Variants in MED12L observed in about 807,000 individuals in gnomAD.
MED12L encodes the protein mediator complex subunit 12L.
A neutral mutation model predicts 281.3 loss-of-function variants in MED12L; 60 were observed. The observed-to-expected ratio is 0.21, with a 90% CI of 0.17 to 0.26. The LOEUF is 0.26. Among genes scored for constraint, MED12L ranks in the 10% least tolerant of loss-of-function variants. The pLI is 1.00. For missense variants in MED12L, 2,146 were observed against 2,680.9 expected (o/e 0.80, Z 4.41); for synonymous variants, 974 against 987.2 (o/e 0.99, Z 0.25).
chr3:151,306,312 G>C (rs560603570), intron 16 of MED12L, among the ~76,000 whole-genome samples: 1 of 152,290 alleles, frequency 6.6e-6, no homozygotes, highest in Admixed American at 6.5e-5. Flanking sequence ...AGGTCATGTT[G>C]ATTAGTTCAC....
intron 16 of MED12L, among the ~76,000 whole-genome samples, chr3:151,226,742 A>C (rs1183738040): frequency 1.3e-5 from 2 of 152,224 alleles, no homozygotes. Flanking sequence ...TCTTCCAGAT[A>C]CTGCGGCATA....
At chr3:151,427,639 C>T (rs917650717) in intron 43 of MED12L, among the ~76,000 whole-genome samples, 3 of 152,176 alleles carry the variant, frequency 2.0e-5, no homozygotes, top group African/African-American at 7.2e-5. Context: ...TCAGCTTAGA[C>T]ATCTTTATAG....
chr3:151,358,558 CAA>C (rs1457263206), intron 20 of MED12L, among the ~76,000 whole-genome samples: 3 of 151,666 alleles, frequency 2.0e-5, no homozygotes, highest in African/African-American at 7.3e-5. Flanking sequence ...TGGGTTGTGA[CAA>C]GTTTTTTTGT....
At position 151,190,013 on chromosome 3, in the gene MED12L, A is replaced by T. The variant is rs372970051; in HGVS notation, c.1754-704A>T. Among the ~76,000 whole-genome samples, 3 of 152,078 alleles carry T rather than the reference A, an allele frequency of 2.0e-5. No homozygotes were observed. The East Asian group carries it at 5.8e-4, about 29-fold the overall frequency. On this transcript the variant is annotated intron_variant, in intron 13 of 44. Coordinates refer to ENST00000687756, the MANE Select transcript of MED12L (RefSeq NM_001393769.1). ...ATCTCCTTTGAAAATGTGCACCCAT[A>T]TTCTCACAATTGCACAGACCCACTC...
intron 13 of MED12L, 104 bp downstream of exon 13, chr3:151,188,584 C>A: frequency 8.3e-7 from 1 of 1,210,822 alleles, no homozygotes; most frequent in Non-Finnish European, 1.1e-6. Flanking sequence ...ATTCTTGGCA[C>A]TGAATATAAT....
intron 2 of MED12L, among the ~76,000 whole-genome samples, chr3:151,097,631 C>T (rs182592411): frequency 2.5e-4 from 38 of 152,266 alleles, no homozygotes; most frequent in Non-Finnish European, 4.4e-5. Flanking sequence ...TGGCGAGGGG[C>T]GAGAGTGCAT....
chr3:151,311,808 C>T (rs550882675), intron 16 of MED12L, among the ~76,000 whole-genome samples: 2 of 152,032 alleles, frequency 1.3e-5, no homozygotes, highest in Non-Finnish European at 1.5e-5. Context: ...GGGCAGACCA[C>T]GAGGTCGGGA....
intron 21 of MED12L, 28 bp downstream of exon 21, chr3:151,360,633 A>G (rs1754490688): frequency 2.7e-5 from 43 of 1,594,734 alleles, no homozygotes; most frequent in Non-Finnish European, 3.6e-5. Context: ...AAAAGGACAG[A>G]AATAGGATCA....
chr3:151,246,644 G>T (rs573041945), intron 16 of MED12L, among the ~76,000 whole-genome samples: 2 of 152,216 alleles, frequency 1.3e-5, no homozygotes, highest in South Asian at 4.1e-4. Context: ...AGACTTAAAC[G>T]TTAGACCTAC....
chr3:151,412,653 G>A lies in MED12L; in HGVS notation c.6141-486G>A, dbSNP rs117023985. ...AATTTTTATAATAAATAGCAGCATA[G>A]CATGGCCCACAAACTTGAATTTCAA... is the stretch of plus-strand genomic sequence containing the variant. On this transcript the variant is annotated intron_variant, in intron 41 of 44. Coordinates refer to ENST00000687756, the MANE Select transcript of MED12L (RefSeq NM_001393769.1). 8.3e-4 allele frequency among the ~76,000 whole-genome samples: 126 copies of A among 152,298 alleles called. No individual in the cohort carries two copies. The East Asian group carries it at 9.3e-3, about 11-fold the overall frequency.
chr3:151,201,223 ACTCTCTCT>A (rs58729370), intron 16 of MED12L, among the ~76,000 whole-genome samples: 5 of 147,894 alleles, frequency 3.4e-5, no homozygotes, highest in African/African-American at 9.9e-5. Context: ...ACGTGCACAC[ACTCTCTCT>A]CTCTCTCTCT....
chr3:151,398,067 G>A (rs191700603), intron 39 of MED12L, among the ~76,000 whole-genome samples: 97 of 152,204 alleles, frequency 6.4e-4, no homozygotes, highest in African/African-American at 2.1e-3. Context: ...CTAAGCACAC[G>A]GTACAATCTG....
chr3:151,416,249 C>G, intron 42 of MED12L, 63 bp from the exon 43 acceptor site: 5 of 1,611,882 alleles, frequency 3.1e-6, no homozygotes, highest in Non-Finnish European at 4.2e-6. Flanking sequence ...ATGGGGGAAA[C>G]AGATTCAGCA....
At chr3:151,181,505 A>G (rs1040546699) in intron 11 of MED12L, among the ~76,000 whole-genome samples, 40 of 151,500 alleles carry the variant, frequency 2.6e-4, no homozygotes, top group African/African-American at 8.7e-4. Context: ...CCTGAGCTCA[A>G]GTAATCCTCC....
In MED12L at chr3:151,109,740, T is replaced by C. The variant is rs563764921; in HGVS notation, c.100-6598T>C. On this transcript the variant is annotated intron_variant, in intron 2 of 44. Coordinates refer to ENST00000687756, the MANE Select transcript of MED12L (RefSeq NM_001393769.1). ...TTAATGTTAAACATATTTAAAAGTATGTCTGGATTCATGGTCTCTTCTGCT... is the reference window on the plus strand; with the variant it reads ...TTAATGTTAAACATATTTAAAAGTACGTCTGGATTCATGGTCTCTTCTGCT... Among the ~76,000 whole-genome samples, 5 of 152,372 alleles carry C rather than the reference T, an allele frequency of 3.3e-5. No homozygotes were observed. The South Asian group carries it at 8.3e-4, about 25-fold the overall frequency.
chr3:151,213,600 C>T, intron 16 of MED12L: 2 of 1,614,152 alleles, frequency 1.2e-6, no homozygotes, highest in Middle Eastern at 1.6e-4. Flanking sequence ...AAAACACAAA[C>T]ACGATGCTGA....
chr3:151,386,637 C>T (rs944515303), intron 36 of MED12L, among the ~76,000 whole-genome samples: 10 of 146,800 alleles, frequency 6.8e-5, no homozygotes, highest in Non-Finnish European at 1.3e-4. Flanking sequence ...AGTGCAGTGG[C>T]GTGATCTCGG....
In MED12L at chr3:151,430,636, T is replaced by C. The variant is rs540760054; in HGVS notation, c.6490+256T>C. Among the ~76,000 whole-genome samples the C allele has an allele frequency of 5.3e-4, 79 of 149,292 alleles. 1 individual carries two copies. Among genetic ancestry groups the C allele is most frequent in the Non-Finnish European group, 9.8e-4 (66 of 67,422 alleles). On this transcript the variant is annotated intron_variant, in intron 44 of 44. Transcript: ENST00000687756. ...TTTTGCTTCCACCAGAATCTAGAAA[T>C]ATTTCTTCTCATTGGGGGGACTCCT...
chr3:151,172,264 G>T (rs1369741480), intron 11 of MED12L, among the ~76,000 whole-genome samples: 1 of 152,190 alleles, frequency 6.6e-6, no homozygotes, highest in East Asian at 1.9e-4. Flanking sequence ...AAATGGGCAT[G>T]CTATTTCCTG....
Sources: allele counts gnomAD v4.1 joint callset (sites outside exome capture counted in the v4.1 genomes callset), GRCh38; gene constraint gnomAD v4.1.1; transcripts MANE v1.5; gene names NCBI Gene and HGNC (gene_info 2026-07-23, HGNC 2026-07-21).